L3MBTL3: variants seen among roughly 807,000 people sequenced by gnomAD.
The protein encoded by L3MBTL3 is lethal(3)malignant brain tumor-like protein 3.
L3MBTL3 carries 27 observed loss-of-function variants against 102.3 expected under a neutral mutation model. That is an observed-to-expected ratio of 0.26 (90% confidence interval 0.19 to 0.36). The LOEUF (loss-of-function observed/expected upper bound fraction) is 0.36, where lower values mean the gene tolerates loss of function less well. L3MBTL3 is among the 10% of genes least tolerant of loss of function. The pLI, the probability that L3MBTL3 is intolerant of heterozygous loss-of-function variation, is 1.00. For missense variants in L3MBTL3, 798 were observed against 955.3 expected, an observed-to-expected ratio of 0.84 and a Z score of 2.17; for synonymous variants, 340 against 320.9, an observed-to-expected ratio of 1.06 and a Z score of -0.64.
chr6:130,056,814 TC>T (rs1439272090), intron 8 of L3MBTL3, among the ~76,000 whole-genome samples: 1 of 152,198 alleles, frequency 6.6e-6, no homozygotes, highest in Non-Finnish European at 1.5e-5. Context: ...CTTAGCCTGT[TC>T]CAGTCTCATC....
rs1480118306 is a variant in L3MBTL3 at position 130,047,585 on chromosome 6, CAAAT to C, written c.103-1694_103-1691del. Among the ~76,000 whole-genome samples, 4 of 152,218 alleles carry C rather than the reference CAAAT, an allele frequency of 2.6e-5. No individual in the cohort carries two copies. In the South Asian group the frequency reaches 8.3e-4, roughly 32 times the overall value. On this transcript the variant is annotated intron_variant, in intron 3 of 22. Transcript: ENST00000361794. The stretch of plus-strand genomic sequence containing the variant: ...GCTATTTCTTACATTTTGTATTTGT[CAAAT>C]AAGCATAAATTAACATCAGTGACAT...
chr6:130,073,820 C>A (rs371643614), intron 13 of L3MBTL3, among the ~76,000 whole-genome samples: 1 of 152,188 alleles, frequency 6.6e-6, no homozygotes. Flanking sequence ...TCTTTTAACT[C>A]GAGTTTTGTG....
At chr6:130,068,646 A>G (rs1782431323) in intron 12 of L3MBTL3, among the ~76,000 whole-genome samples, 1 of 152,214 alleles carries the variant, frequency 6.6e-6, no homozygotes, top group Non-Finnish European at 1.5e-5. Flanking sequence ...AGAAGACAAG[A>G]TAGTACAAGA....
At position 130,057,467 on chromosome 6, in the gene L3MBTL3, G is replaced by C. The variant is rs570995365; in HGVS notation, c.729G>C (p.Ala243=). 41 of 1,610,858 alleles carry C rather than the reference G, an allele frequency of 2.5e-5. No individual in the cohort carries two copies. Among genetic ancestry groups the C allele is most frequent in the Non-Finnish European group, 3.5e-5 (41 of 1,179,062 alleles). The part of the protein sequence containing the change: ...CWASYLEEEK[A]VAVPAKLFKE... The stretch of plus-strand genomic sequence containing the variant: ...CATCCTACCTGGAAGAGGAGAAAGC[G>C]GTGGCAGTGCCGGCGAAGCTGTTCA... The change falls in exon 9 of 23, where the codon GCG becomes GCC. Residue 243 remains alanine, a synonymous_variant. Coordinates refer to ENST00000361794, the MANE Select transcript of L3MBTL3 (RefSeq NM_032438.4).
At chr6:130,109,838 A>T (rs942356303) in intron 19 of L3MBTL3, among the ~76,000 whole-genome samples, 1 of 151,770 alleles carries the variant, frequency 6.6e-6, no homozygotes, top group Non-Finnish European at 1.5e-5. Flanking sequence ...TGGGTTTTAC[A>T]TGTAAGTCTT....
chr6:130,045,359 G>A (rs745489392), intron 3 of L3MBTL3, among the ~76,000 whole-genome samples: 5 of 152,084 alleles, frequency 3.3e-5, no homozygotes, highest in African/African-American at 4.8e-5. Flanking sequence ...CTGGGCTATC[G>A]CATGCTTATA....
intron 10 of L3MBTL3, among the ~76,000 whole-genome samples, chr6:130,061,725 A>ATTGG (rs1781913377): frequency 6.6e-6 from 1 of 152,094 alleles, no homozygotes; most frequent in Non-Finnish European, 1.5e-5. Flanking sequence ...TGTCCTTTGA[A>ATTGG]GTGGATGATA....
chr6:130,127,259 TAGTC>T (rs1786669993), intron 20 of L3MBTL3, among the ~76,000 whole-genome samples: 1 of 152,284 alleles, frequency 6.6e-6, no homozygotes, highest in Non-Finnish European at 1.5e-5. Context: ...GAAGTTTTCT[TAGTC>T]AGATAAGGAA....
rs869221525 is a variant in L3MBTL3 at position 130,108,231 on chromosome 6, G to GTTTTTTTTTTT, written c.1886+3668_1886+3678dup. On this transcript the variant is annotated intron_variant, in intron 19 of 22. Transcript: ENST00000361794. The stretch of plus-strand genomic sequence containing the variant: ...ATAAATGTTAGGTGGTTTTTTTTTT[G>GTTTTTTTTTTT]TTTTTTTTTTTTTTTTTTTTTTAGA... 1.3e-3 allele frequency among the ~76,000 whole-genome samples: 121 copies of GTTTTTTTTTTT among 90,964 alleles called. 1 individual carries two copies. The highest frequency in any genetic ancestry group is 3.1e-3 in the East Asian group (8 of 2,548). The allele number at this position is 90,964 out of a possible 152,430, so 59.7% of individuals were successfully genotyped here.
chr6:130,071,215 CA>C (rs548344440), intron 13 of L3MBTL3, 88 bp downstream of exon 13: 170 of 1,157,190 alleles, frequency 1.5e-4, no homozygotes, highest in South Asian at 2.8e-4. Context: ...ACGCTTATAA[CA>C]AAAAAAAGCA....
chr6:130,073,313 T>C (rs1051398214), intron 13 of L3MBTL3, among the ~76,000 whole-genome samples: 4 of 152,192 alleles, frequency 2.6e-5, no homozygotes, highest in Non-Finnish European at 5.9e-5. Context: ...GAGAAAACTT[T>C]AACTTTGGAA....
chr6:130,069,978 C>T (rs1782518791), intron 12 of L3MBTL3, among the ~76,000 whole-genome samples: 1 of 152,200 alleles, frequency 6.6e-6, no homozygotes, highest in African/African-American at 2.4e-5. Flanking sequence ...TTTTCAGATA[C>T]ACGGCTGTCT....
rs944469785 is a variant in L3MBTL3 at position 130,120,888 on chromosome 6, T to C, written c.1896T>C (p.His632=). The change falls in exon 20 of 23, where the codon CAT becomes CAC. Residue 632 remains histidine, a synonymous_variant. Transcript: ENST00000361794. ...SSSSPEIRDQ[H]ADDVKEDFEE... ...TGCCTGTTTTTCTTAGAGACCAGCA[T>C]GCTGATGATGTCAAAGAAGACTTTG... 7 of 1,611,276 alleles carry C rather than the reference T, an allele frequency of 4.3e-6. No homozygotes were observed. The highest frequency in any genetic ancestry group is 5.1e-6 in the Non-Finnish European group (6 of 1,178,428).
At chr6:130,022,743 TG>T (rs1265488921) in intron 2 of L3MBTL3, among the ~76,000 whole-genome samples, 1 of 152,154 alleles carries the variant, frequency 6.6e-6, no homozygotes, top group Admixed American at 6.5e-5. Flanking sequence ...TTGGGTGCTT[TG>T]GGGGTATTTG....
At chr6:130,084,825 TG>T (rs1384370111) in intron 15 of L3MBTL3, among the ~76,000 whole-genome samples, 1 of 152,200 alleles carries the variant, frequency 6.6e-6, no homozygotes, top group Non-Finnish European at 1.5e-5. Flanking sequence ...TTAATTTTCA[TG>T]GCAACCCTTT....
intron 9 of L3MBTL3, among the ~76,000 whole-genome samples, chr6:130,059,660 C>T (rs978760099): frequency 6.6e-6 from 1 of 152,134 alleles, no homozygotes; most frequent in Admixed American, 6.5e-5. Flanking sequence ...TTCATTCTTC[C>T]TAGTGATGTA....
At chr6:130,065,894 C>T (rs1782214519) in intron 10 of L3MBTL3, among the ~76,000 whole-genome samples, 1 of 151,658 alleles carries the variant, frequency 6.6e-6, no homozygotes, top group Admixed American at 6.6e-5. Flanking sequence ...TCCAACCCAG[C>T]TTTGGTGGAG....
chr6:130,026,805 T>C lies in L3MBTL3; in HGVS notation c.-16+4500T>C, dbSNP rs890162906. Among the ~76,000 whole-genome samples the C allele has an allele frequency of 5.9e-5, 9 of 152,194 alleles. No homozygotes were observed. In the East Asian group the frequency reaches 9.6e-4, roughly 16 times the overall value. On this transcript the variant is annotated intron_variant, in intron 2 of 22. Transcript: ENST00000361794. ...GTAGTAGGACTAGTTATGAAAAATA[T>C]ATATATAAAGCATCAATCAATGAAA...
At chr6:130,092,673 C>A in intron 16 of L3MBTL3, 72 bp from the exon 17 acceptor site, 3 of 848,340 alleles carry the variant, frequency 3.5e-6, no homozygotes, top group South Asian at 1.5e-5. Flanking sequence ...AATGGTTATG[C>A]TGTGGGCAGA....
Sources: allele counts gnomAD v4.1 joint callset (sites outside exome capture counted in the v4.1 genomes callset), GRCh38; gene constraint gnomAD v4.1.1; transcripts MANE v1.5; gene names NCBI Gene and HGNC (gene_info 2026-07-23, HGNC 2026-07-21).